The following RGS6 variants were observed in gnomAD, a reference collection of about 807,000 sequenced individuals.
RGS6 encodes the protein regulator of G protein signaling 6.
A neutral mutation model predicts 78.5 loss-of-function variants in RGS6; 30 were observed. That is an observed-to-expected ratio of 0.38 (90% CI 0.29 to 0.52). RGS6 has a LOEUF of 0.52. Among genes scored for constraint, RGS6 ranks in the 20% least tolerant of loss-of-function variants. The pLI is 0.85. For missense variants in RGS6, 495 were observed against 609.7 expected (o/e 0.81, Z 1.98); for synonymous variants, 206 against 206.0 (o/e 1.00, Z 0.00).
chr14:72,091,070 AAGTC>A (rs2095253466), intron 2 of RGS6, among the ~76,000 whole-genome samples: 1 of 152,072 alleles, frequency 6.6e-6, no homozygotes, highest in African/African-American at 2.4e-5. Flanking sequence ...TGGGGTGAGA[AAGTC>A]AGTACCAGTT....
chr14:72,474,589 C>T lies in RGS6; in HGVS notation c.619-36C>T, dbSNP rs150689789. Reference sequence around the variant, plus strand: ...GGCTAAATTGGAAGTGTAATTTTCACGTAGTAATTTATATGATGTGTTTTT... The same window carrying T: ...GGCTAAATTGGAAGTGTAATTTTCATGTAGTAATTTATATGATGTGTTTTT... On this transcript the variant is annotated intron_variant, in intron 9 of 17. Coordinates refer to ENST00000553525, the MANE Select transcript of RGS6 (RefSeq NM_001204424.2). The T allele has an allele frequency of 8.9e-5, 140 of 1,569,698 alleles. No individual in the cohort carries two copies. The African/African-American group carries it at 1.5e-3, about 17-fold the overall frequency.
downstream of RGS6, among the ~76,000 whole-genome samples, chr14:72,567,342 C>T (rs2153560269): frequency 6.6e-6 from 1 of 152,342 alleles, no homozygotes; most frequent in Non-Finnish European, 1.5e-5. Flanking sequence ...AGCCTGTCCT[C>T]TTTGACCATG....
chr14:72,482,034 T>C (rs193035070), intron 12 of RGS6, among the ~76,000 whole-genome samples: 2,327 of 152,188 alleles, frequency 0.015, 30 homozygotes, highest in Middle Eastern at 0.034. Flanking sequence ...ATGGTCTCGA[T>C]CTCCTGACGT....
chr14:72,149,794 A>T (rs1000637198), intron 2 of RGS6, among the ~76,000 whole-genome samples: 2 of 152,322 alleles, frequency 1.3e-5, no homozygotes, highest in South Asian at 4.1e-4. Flanking sequence ...CCAAATTTAA[A>T]TTGTAGACAT....
chr14:72,283,008 A>G (rs11851057), intron 2 of RGS6, among the ~76,000 whole-genome samples: 7,593 of 152,218 alleles, frequency 0.05, 564 homozygotes, highest in African/African-American at 0.17. Context: ...CAATCCTCAT[A>G]TAAGTGTGAC....
At chr14:72,409,971 C>T (rs1375045724) in intron 3 of RGS6, among the ~76,000 whole-genome samples, 1 of 152,144 alleles carries the variant, frequency 6.6e-6, no homozygotes, top group Non-Finnish European at 1.5e-5. Context: ...CATTGTTGGA[C>T]ATTTGGCTTG....
intron 2 of RGS6, among the ~76,000 whole-genome samples, chr14:72,272,172 AT>A (rs1248066836): frequency 6.6e-6 from 1 of 152,114 alleles, no homozygotes; most frequent in African/African-American, 2.4e-5. Flanking sequence ...AAAGGCACTG[AT>A]TTTTTTGATA....
intron 2 of RGS6, among the ~76,000 whole-genome samples, chr14:72,242,226 G>A (rs1019189251): frequency 1.3e-5 from 2 of 152,146 alleles, no homozygotes; most frequent in African/African-American, 4.8e-5. Context: ...GGTGAAGGGG[G>A]CAATTAGGGA....
chr14:72,274,520 G>A (rs1028116097), intron 2 of RGS6, among the ~76,000 whole-genome samples: 3 of 152,226 alleles, frequency 2.0e-5, no homozygotes, highest in African/African-American at 7.2e-5. Flanking sequence ...TCCAAATAAT[G>A]GCCTCCCAAA....
chr14:72,001,510 AC>A, intron 2 of RGS6, among the ~76,000 whole-genome samples: 1 of 101,426 alleles, frequency 9.9e-6, no homozygotes, highest in African/African-American at 3.5e-5. Flanking sequence ...ACACACACAC[AC>A]ACACACACAC....
At chr14:71,993,419 A>G (rs1421626802) in intron 2 of RGS6, among the ~76,000 whole-genome samples, 1 of 152,224 alleles carries the variant, frequency 6.6e-6, no homozygotes, top group Non-Finnish European at 1.5e-5. Context: ...AATAGTAATA[A>G]TAATGAAATG....
chr14:72,568,291 G>T, downstream of RGS6, among the ~76,000 whole-genome samples: 1 of 152,222 alleles, frequency 6.6e-6, no homozygotes, highest in East Asian at 1.9e-4. Context: ...TTAATCTAGA[G>T]GGCTTAGCCT....
intron 3 of RGS6, among the ~76,000 whole-genome samples, chr14:72,450,063 A>ATG (rs879664458): frequency 6.6e-6 from 1 of 152,212 alleles, no homozygotes; most frequent in Admixed American, 6.5e-5. Context: ...ACAGAAATGT[A>ATG]AAGAATAGAA....
chr14:72,104,061 T>C (rs569702145), intron 2 of RGS6, among the ~76,000 whole-genome samples: 3 of 152,292 alleles, frequency 2.0e-5, no homozygotes, highest in African/African-American at 7.2e-5. Context: ...TTATTGAACG[T>C]CCTTTAATCT....
chr14:71,945,836 G>C (rs2091432937), intron 1 of RGS6, among the ~76,000 whole-genome samples: 1 of 151,964 alleles, frequency 6.6e-6, no homozygotes, highest in African/African-American at 2.4e-5. Context: ...ATTTCAATTA[G>C]AAAAATATTA....
chr14:72,581,289 C>T, the RGS6 span, among the ~76,000 whole-genome samples: 1 of 152,170 alleles, frequency 6.6e-6, no homozygotes, highest in African/African-American at 2.4e-5. Context: ...CCCCATCTAT[C>T]CATACCTCCA....
intron 2 of RGS6, among the ~76,000 whole-genome samples, chr14:72,226,769 C>A (rs943354672): frequency 1.3e-5 from 2 of 152,188 alleles, no homozygotes; most frequent in African/African-American, 4.8e-5. Flanking sequence ...GTGGCGCAAT[C>A]TTGGCTCACT....
chr14:72,156,620 G>A (rs982361930), intron 2 of RGS6, among the ~76,000 whole-genome samples: 1 of 152,188 alleles, frequency 6.6e-6, no homozygotes, highest in Non-Finnish European at 1.5e-5. Flanking sequence ...GACAAGATGT[G>A]TCTGCTAAGA....
At chr14:72,361,742 G>A (rs903660870) in intron 3 of RGS6, among the ~76,000 whole-genome samples, 1 of 152,170 alleles carries the variant, frequency 6.6e-6, no homozygotes, top group African/African-American at 2.4e-5. Context: ...GGAATGAGAA[G>A]CAAAGGACCA....
Sources: gnomAD v4.1 joint callset for allele counts (sites outside exome capture counted in the v4.1 genomes callset) on GRCh38, gnomAD v4.1.1 for gene constraint, MANE v1.5 for transcripts, NCBI Gene and HGNC (gene_info 2026-07-23, HGNC 2026-07-21) for gene names.